Variants in FN1 observed in about 807,000 individuals in gnomAD.
FN1 encodes the protein fibronectin 1, also known as fibronectin.
Under a neutral mutation model 297.3 loss-of-function variants are expected in FN1, and 106 were observed. That is an observed-to-expected ratio of 0.36 (90% CI 0.30 to 0.42). The LOEUF is 0.42. FN1 is among the 10% of genes least tolerant of loss of function. The pLI is 1.00. For synonymous variants in FN1, 1,149 were observed against 1,152.6 expected, an observed-to-expected ratio of 1.00 and a Z score of 0.06; for missense variants, 2,690 against 3,124.9, an observed-to-expected ratio of 0.86 and a Z score of 3.32.
intron 2 of FN1, 145 bp downstream of exon 2, chr2:215,434,551 T>G: frequency 1.0e-6 from 1 of 963,310 alleles, no homozygotes; most frequent in Non-Finnish European, 1.6e-6. Flanking sequence ...GAAAAGCAAA[T>G]ATAAGCAGTT....
intron 30 of FN1, 68 bp downstream of exon 30, chr2:215,383,952 G>T: frequency 1.3e-6 from 2 of 1,538,038 alleles, no homozygotes; most frequent in Non-Finnish European, 1.8e-6. Context: ...AAAATACCTT[G>T]GGAGAACATT....
chr2:215,423,372 C>T lies in FN1; in HGVS notation c.1371G>A (p.Lys457=), dbSNP rs2064784879. 2 of 1,614,020 alleles carry T rather than the reference C, an allele frequency of 1.2e-6. No homozygotes were observed. The highest frequency in any genetic ancestry group is 1.7e-5 in the Admixed American group (1 of 60,006). The change falls in exon 9 of 46, where the codon AAG becomes AAA. Residue 457 remains lysine (K), a synonymous_variant. Transcript: ENST00000354785. ...TACCAGCCATGGGGCAGAACCCAAA[C>T]TTCTGGTCGGCATCATAGTTCTGTG... The part of the protein sequence containing the change: ...GTTQNYDADQ[K]FGFCPMAAHE...
chr2:215,363,573 T>C (rs2053951624), intron 44 of FN1: 1 of 152,318 alleles, frequency 6.6e-6, no homozygotes, highest in African/African-American at 2.4e-5. Flanking sequence ...GCCAGATTAA[T>C]TTTCCCAAAG....
rs1431956662 is a variant in FN1 at position 215,404,506 on chromosome 2, G to T, written c.3136C>A (p.Pro1046Thr). Residue 1046 changes from proline (P) to threonine (T), a missense_variant, in exon 20 of 46, where the codon CCC becomes ACC. Physicochemically the swap from Pro to Thr is conservative, Grantham distance 38. Coordinates refer to ENST00000354785, the MANE Select transcript of FN1 (RefSeq NM_212482.4). ...CTCAGTGGGTACTTGGAGACAGAGG[G>T]ACCCACATTGTACTGCCTGGGCTGT... ...RGQPRQYNVG[P>T]SVSKYPLRNL... The T allele has an allele frequency of 2.5e-6, 4 of 1,614,072 alleles. 1 individual carries two copies.
Position 215,406,433 on chromosome 2 carries a change from C to T in FN1, c.2791G>A (p.Glu931Lys), listed in dbSNP as rs758125796. The stretch of plus-strand genomic sequence containing the variant: ...ACACGGTAGCCGGTCACTGCACTCT[C>T]AGGCGGTGTCCACATGATGGTGACC... ...VKVTIMWTPP[E>K]SAVTGYRVDV... Residue 931 changes from glutamate to lysine, a missense_variant, in exon 19 of 46, where the codon GAG becomes AAG. Transcript: ENST00000354785. 31 of 1,614,086 alleles carry T rather than the reference C, an allele frequency of 1.9e-5. No individual in the cohort carries two copies. The highest frequency in any genetic ancestry group is 3.3e-5 in the Admixed American group (2 of 60,012).
chr2:215,415,018 T>A, intron 12 of FN1, 60 bp from the exon 13 acceptor site: 1 of 1,313,072 alleles, frequency 7.6e-7, no homozygotes, highest in Non-Finnish European at 1.1e-6. Flanking sequence ...AACTTAAAAC[T>A]GTGTACATGG....
At chr2:215,430,888 G>A (rs1221462130) in intron 4 of FN1, 36 bp from the exon 5 acceptor site, 4 of 1,611,114 alleles carry the variant, frequency 2.5e-6, no homozygotes, top group Non-Finnish European at 3.4e-6. Context: ...AGGAAAAAAA[G>A]GTTATTTTGA....
chr2:215,369,912 CAA>C (rs965419829), intron 41 of FN1, among the ~76,000 whole-genome samples: 2 of 152,262 alleles, frequency 1.3e-5, no homozygotes, highest in South Asian at 2.1e-4. Flanking sequence ...TTTAATCACT[CAA>C]GAGGACAGCA....
At chr2:215,405,087 C>A (rs1297520852) in intron 19 of FN1, among the ~76,000 whole-genome samples, 1 of 152,190 alleles carries the variant, frequency 6.6e-6, no homozygotes, top group East Asian at 1.9e-4. Flanking sequence ...AAGCAATATT[C>A]TGTGAATAGC....
chr2:215,389,633 C>CA (rs1465506177), intron 26 of FN1, among the ~76,000 whole-genome samples: 1 of 151,606 alleles, frequency 6.6e-6, no homozygotes, highest in Non-Finnish European at 1.5e-5. Context: ...ACTAAAAATA[C>CA]AAAAAAATTA....
In FN1 at chr2:215,406,433, C is replaced by G. The variant is rs758125796; in HGVS notation, c.2791G>C (p.Glu931Gln). The change falls in exon 19 of 46, where the codon GAG becomes CAG. Residue 931 changes from glutamate (E) to glutamine (Q), a missense_variant. Coordinates refer to ENST00000354785, the MANE Select transcript of FN1 (RefSeq NM_212482.4). ...VKVTIMWTPPESAVTGYRVDV... is the reference protein window; with the variant it reads ...VKVTIMWTPPQSAVTGYRVDV... Reference sequence around the variant, plus strand: ...ACACGGTAGCCGGTCACTGCACTCTCAGGCGGTGTCCACATGATGGTGACC... The same window carrying G: ...ACACGGTAGCCGGTCACTGCACTCTGAGGCGGTGTCCACATGATGGTGACC... 2 of 1,614,086 alleles carry G rather than the reference C, an allele frequency of 1.2e-6. No individual in the cohort carries two copies. The highest frequency in any genetic ancestry group is 1.7e-5 in the Admixed American group (1 of 60,012).
rs562830547 is a variant in FN1, at chr2:215,380,624, C to A, written c.5434+187G>T. ...AGGATACTCCAAAATTTCTTTTAAT[C>A]AGACTTGTTTCCTTAAATATCACCT... On this transcript the variant is annotated intron_variant, in intron 33 of 45. Coordinates refer to ENST00000354785, the MANE Select transcript of FN1 (RefSeq NM_212482.4). The A allele has an allele frequency of 3.8e-6, 3 of 798,056 alleles. No individual in the cohort carries two copies. In the South Asian group the frequency reaches 5.0e-5, roughly 13 times the overall value. The allele number at this position is 798,056 out of a possible 1,614,324, so 49.4% of individuals were successfully genotyped here.
At chr2:215,397,933 A>T in intron 21 of FN1, 85 bp from the exon 22 acceptor site, 1 of 1,206,566 alleles carries the variant, frequency 8.3e-7, no homozygotes, top group South Asian at 1.2e-5. Context: ...TATGCTTTAA[A>T]TAGTGTAAAC....
intron 1 of FN1, 54 bp from the exon 2 acceptor site, chr2:215,434,878 T>A: frequency 1.3e-6 from 2 of 1,593,636 alleles, no homozygotes; most frequent in Middle Eastern, 1.7e-4. Flanking sequence ...TTCCCAAAAT[T>A]ATGGAATTTT....
chr2:215,433,203 C>A, intron 3 of FN1, 121 bp downstream of exon 3: 1 of 1,241,018 alleles, frequency 8.1e-7, no homozygotes, highest in South Asian at 1.2e-5. Context: ...AGTACCTGGT[C>A]ACCAGGGGCA....
chr2:215,372,487 GC>G, intron 39 of FN1, 112 bp from the exon 40 acceptor site: 1 of 826,386 alleles, frequency 1.2e-6, no homozygotes, highest in South Asian at 1.4e-5. Flanking sequence ...TTTGATAAAA[GC>G]CACCAGAAAA....
In FN1 at chr2:215,380,807, A is replaced by G. The variant is rs1419970829; in HGVS notation, c.5434+4T>C. On this transcript the variant is annotated splice_donor_region_variant and intron_variant, in intron 33 of 45. Transcript: ENST00000354785. ...GGCACCTGGTGGTGCAATTAACCAT[A>G]TACCTGTGGACTGGGTTCCAATCAG... The G allele has an allele frequency of 6.2e-6, 10 of 1,612,314 alleles. No homozygotes were observed. The highest frequency in any genetic ancestry group is 2.7e-5 in the African/African-American group (2 of 74,886).
chr2:215,426,555 C>T (rs7598545), intron 6 of FN1, among the ~76,000 whole-genome samples: 1 of 152,074 alleles, frequency 6.6e-6, no homozygotes, highest in African/African-American at 2.4e-5. Flanking sequence ...TTCAGTGCCT[C>T]CCTAAGTGCT....
chr2:215,361,579 A>G lies in FN1; in HGVS notation c.7410T>C (p.Ala2470=), dbSNP rs1423937114. 1 of 1,611,516 alleles carries G rather than the reference A, an allele frequency of 6.2e-7. No homozygotes were observed. Among genetic ancestry groups the G allele is most frequent in the South Asian group, 1.1e-5 (1 of 91,020 alleles). Residue 2470 remains alanine (A), a synonymous_variant, in exon 46 of 46, where the codon GCT becomes GCC. Coordinates refer to ENST00000354785, the MANE Select transcript of FN1 (RefSeq NM_212482.4). ...TTTACTCTCGGGAATCTTCTCTGTC[A>G]GCCTGTACATCTAAAGGCATGAAGC... The part of the protein sequence containing the change: ...IECFMPLDVQ[A]DREDSRE
Sources: allele counts gnomAD v4.1 joint callset (sites outside exome capture counted in the v4.1 genomes callset), GRCh38; gene constraint gnomAD v4.1.1; transcripts MANE v1.5; gene names NCBI Gene and HGNC (gene_info 2026-07-23, HGNC 2026-07-21).